ARHGEF7: variants seen among roughly 807,000 people sequenced by gnomAD.
ARHGEF7 encodes Rho guanine nucleotide exchange factor 7.
In ARHGEF7, 33 loss-of-function variants were observed where a neutral mutation model predicts 109.8. That is an observed-to-expected ratio of 0.30 (90% confidence interval 0.23 to 0.40). ARHGEF7 has a LOEUF of 0.40. Among genes scored for constraint, ARHGEF7 ranks in the 10% least tolerant of loss-of-function variants. The pLI, the probability that ARHGEF7 is intolerant of heterozygous loss-of-function variation, is 1.00. For missense variants in ARHGEF7, 938 were observed against 1,098.5 expected (o/e 0.85, Z 2.07); for synonymous variants, 458 against 424.6 (o/e 1.08, Z -0.97).
chr13:111,199,696 A>G (rs2080987875), intron 2 of ARHGEF7, among the ~76,000 whole-genome samples: 1 of 152,264 alleles, frequency 6.6e-6, no homozygotes, highest in Non-Finnish European at 1.5e-5. Flanking sequence ...CTTTGGAGGC[A>G]TGGCAAAAAT....
intron 1 of ARHGEF7, chr13:111,143,907 C>T (rs1259285216): frequency 6.6e-6 from 1 of 152,218 alleles, no homozygotes; most frequent in East Asian, 1.9e-4. Flanking sequence ...CAAAATACGA[C>T]TCAATGGTGA....
intron 8 of ARHGEF7, among the ~76,000 whole-genome samples, chr13:111,257,737 C>T (rs971613836): frequency 6.6e-5 from 10 of 152,254 alleles, no homozygotes; most frequent in African/African-American, 2.4e-4. Flanking sequence ...ACTTCGGCAG[C>T]AGCCACGTAG....
At chr13:111,216,707 C>T (rs906403332) in intron 4 of ARHGEF7, among the ~76,000 whole-genome samples, 2 of 152,146 alleles carry the variant, frequency 1.3e-5, no homozygotes, top group South Asian at 4.1e-4. Flanking sequence ...GCTCGCTTAC[C>T]ATCAGTGGTA....
chr13:111,283,877 T>C (rs2092905446), intron 16 of ARHGEF7, among the ~76,000 whole-genome samples: 1 of 152,152 alleles, frequency 6.6e-6, no homozygotes, highest in Non-Finnish European at 1.5e-5. Flanking sequence ...GAAATCATGA[T>C]GCGGTCTTTG....
chr13:111,186,004 G>GT (rs2079216834), intron 2 of ARHGEF7, among the ~76,000 whole-genome samples: 1 of 145,570 alleles, frequency 6.9e-6, no homozygotes, highest in South Asian at 2.2e-4. Flanking sequence ...GTGTGTGTGT[G>GT]TTTTCGTTTT....
rs868086869 is a variant in ARHGEF7 at position 111,266,116 on chromosome 13, C to A, written c.951-1432C>A. Among the ~76,000 whole-genome samples the A allele has an allele frequency of 7.6e-4, 115 of 152,230 alleles. No individual in the cohort carries two copies. Among genetic ancestry groups the A allele is most frequent in the African/African-American group, 2.7e-3 (113 of 41,532 alleles). ...TCACGTACCTGCTCTGGGAACTTCC[C>A]GAGGAGCAAGTGCATGCCAGGCAGT... On this transcript the variant is annotated intron_variant, in intron 8 of 21. Transcript: ENST00000646102. This position sits in a 1 kb window ranked among gnomAD's most constrained non-coding sequence, Gnocchi z 4.8.
intron 8 of ARHGEF7, among the ~76,000 whole-genome samples, chr13:111,256,714 T>TC (rs1456324098): frequency 6.6e-6 from 1 of 152,198 alleles, no homozygotes; most frequent in Admixed American, 6.5e-5. Context: ...CTCTTCCTTT[T>TC]CCCCCACCTT....
At chr13:111,191,271 G>A (rs1195182313) in intron 2 of ARHGEF7, among the ~76,000 whole-genome samples, 1 of 152,174 alleles carries the variant, frequency 6.6e-6, no homozygotes, top group Non-Finnish European at 1.5e-5. Flanking sequence ...CACTGATGGG[G>A]TGGTAGGTGC....
chr13:111,168,811 G>T (rs975418023), intron 2 of ARHGEF7, among the ~76,000 whole-genome samples: 1 of 152,204 alleles, frequency 6.6e-6, no homozygotes, highest in African/African-American at 2.4e-5. Context: ...AAGTGATGCT[G>T]TGTTGAGAGA....
intron 8 of ARHGEF7, 137 bp from the exon 9 acceptor site, chr13:111,267,411 T>C (rs2091748663): frequency 1.7e-6 from 2 of 1,150,168 alleles, no homozygotes; most frequent in South Asian, 3.0e-5. Context: ...ACATGTGTGC[T>C]GGGATCGGGG....
Position 111,136,358 on chromosome 13 carries a change from AG to A in ARHGEF7, c.166-17546del, listed in dbSNP as rs2075088336. ...CATAGTTGGAAGTAAAGCACTCTTCAGCAAATGTAAAAGAACAGAAATTATA... is the reference window on the plus strand; with the variant it reads ...CATAGTTGGAAGTAAAGCACTCTTCACAAATGTAAAAGAACAGAAATTATA... On this transcript the variant is annotated intron_variant, in intron 1 of 21. Transcript: ENST00000646102. Among the ~76,000 whole-genome samples the A allele has an allele frequency of 2.6e-5, 4 of 151,600 alleles. No homozygotes were observed. The South Asian group carries it at 8.4e-4, about 32-fold the overall frequency.
chr13:111,295,920 T>A (rs1391081732), intron 19 of ARHGEF7, among the ~76,000 whole-genome samples: 1 of 152,246 alleles, frequency 6.6e-6, no homozygotes, highest in Non-Finnish European at 1.5e-5. Flanking sequence ...GATAGACAGG[T>A]GTTCTCTTCT....
At position 111,292,214 on chromosome 13, in the gene ARHGEF7, T is replaced by G. The variant is rs772762013; in HGVS notation, c.2231T>G (p.Leu744Trp). ...GGGCGTCGCAGTAGCCTTTCTCGTT[T>G]GGAGCCTTCAGACCTCTCGGAAGAC... ...SLGRRSSLSRLEPSDLSEDSD... is the reference protein window; with the variant it reads ...SLGRRSSLSRWEPSDLSEDSD... The change falls in exon 19 of 22, where the codon TTG (leucine) becomes TGG (tryptophan). Residue 744 changes from leucine (L) to tryptophan (W), a missense_variant. This residue lies in a region of ARHGEF7 where 166 missense variants were observed against 167.3 expected (regional missense o/e 0.99). Coordinates refer to ENST00000646102, the MANE Select transcript of ARHGEF7 (RefSeq NM_001354046.2). 6 of 1,614,236 alleles carry G rather than the reference T, an allele frequency of 3.7e-6. No individual in the cohort carries two copies. The highest frequency in any genetic ancestry group is 5.1e-6 in the Non-Finnish European group (6 of 1,180,044).
chr13:111,251,746 C>G (rs887198697), intron 8 of ARHGEF7, among the ~76,000 whole-genome samples: 1 of 152,196 alleles, frequency 6.6e-6, no homozygotes, highest in African/African-American at 2.4e-5. Flanking sequence ...CTCCCAGAAC[C>G]ACTCTGAACC....
At chr13:111,172,037 A>G (rs1020544424) in intron 2 of ARHGEF7, among the ~76,000 whole-genome samples, 3 of 152,130 alleles carry the variant, frequency 2.0e-5, no homozygotes, top group Non-Finnish European at 2.9e-5. Context: ...AGGTTATGGT[A>G]TTTTCTTACA....
chr13:111,248,746 A>G (rs1306159575), intron 8 of ARHGEF7, among the ~76,000 whole-genome samples: 3 of 152,240 alleles, frequency 2.0e-5, no homozygotes, highest in African/African-American at 7.2e-5. Flanking sequence ...TTCATTCACT[A>G]CAAGAATATT....
chr13:111,178,911 A>G (rs1460068820), intron 2 of ARHGEF7, among the ~76,000 whole-genome samples: 1 of 152,134 alleles, frequency 6.6e-6, no homozygotes, highest in Admixed American at 6.5e-5. Context: ...TTTTCCTCCT[A>G]GGCTACGGAT....
At chr13:111,292,469 C>G in intron 19 of ARHGEF7, 175 bp downstream of exon 19, 1 of 1,441,534 alleles carries the variant, frequency 6.9e-7, no homozygotes. Context: ...TCCCATTGTA[C>G]TTTGTGGAGG....
intron 2 of ARHGEF7, among the ~76,000 whole-genome samples, chr13:111,180,126 C>T (rs78683154): frequency 2.4e-4 from 37 of 152,342 alleles, no homozygotes; most frequent in Non-Finnish European, 4.3e-4. Flanking sequence ...TTTAGGGCCT[C>T]AGGCTCCTGT....
Sources: gnomAD v4.1 joint callset for allele counts (sites outside exome capture counted in the v4.1 genomes callset) on GRCh38, gnomAD v4.1.1 for gene constraint, gnomAD v4.1.1 regional missense constraint, Gnocchi (gnomAD v3.1) non-coding constraint, MANE v1.5 for transcripts, NCBI Gene and HGNC (gene_info 2026-07-23, HGNC 2026-07-21) for gene names.